HMGN5: variants seen among roughly 807,000 people sequenced by gnomAD.
HMGN5 encodes the protein high mobility group nucleosome-binding domain-containing protein 5.
Under a neutral mutation model 9.5 loss-of-function variants are expected in HMGN5, and 4 were observed. That is an observed-to-expected ratio of 0.42 (90% CI 0.21 to 0.96). The LOEUF is 0.96. Among genes scored for constraint, HMGN5 ranks in the 40% least tolerant of loss-of-function variants. The pLI is 0.30. For synonymous variants in HMGN5, 55 were observed against 57.1 expected (o/e 0.96, Z 0.16); for missense variants, 192 against 187.5 (o/e 1.02, Z -0.14).
chrX:81,166,978 G>A (rs1217756365), intron 1 of HMGN5, among the ~76,000 whole-genome samples: 1 of 110,895 alleles, frequency 9.0e-6, no homozygotes, highest in Non-Finnish European at 1.9e-5. Flanking sequence ...CTTGGAGAGG[G>A]GACTGAATAC....
intron 1 of HMGN5, among the ~76,000 whole-genome samples, chrX:81,154,447 G>C (rs1323087068): frequency 9.0e-6 from 1 of 111,347 alleles, no homozygotes; most frequent in Non-Finnish European, 1.9e-5. Context: ...CACGACAACA[G>C]ACCAGGCAAA....
intron 1 of HMGN5, among the ~76,000 whole-genome samples, chrX:81,126,599 G>A (rs1436424953): frequency 9.0e-6 from 1 of 111,554 alleles, no homozygotes; most frequent in Non-Finnish European, 1.9e-5. Context: ...GATAAAAATT[G>A]CGGATGAGAT....
intron 1 of HMGN5, among the ~76,000 whole-genome samples, chrX:81,160,818 G>C (rs1320944262): frequency 9.0e-6 from 1 of 111,017 alleles, no homozygotes; most frequent in Admixed American, 9.7e-5. Context: ...TGTAAATAGT[G>C]CTTGTGTGCA....
intron 1 of HMGN5, among the ~76,000 whole-genome samples, chrX:81,159,834 A>G (rs1219989343): frequency 9.0e-6 from 1 of 111,374 alleles, no homozygotes. Context: ...ACTAAAAAAT[A>G]TATTTATGAT....
chrX:81,125,506 A>G (rs1036205638), intron 1 of HMGN5, among the ~76,000 whole-genome samples: 1 of 111,514 alleles, frequency 9.0e-6, no homozygotes, highest in Non-Finnish European at 1.9e-5. Context: ...AATTCTGGTG[A>G]CCCAAATCTT....
At chrX:81,165,404 G>A (rs1194241383) in intron 1 of HMGN5, among the ~76,000 whole-genome samples, 1 of 110,721 alleles carries the variant, frequency 9.0e-6, no homozygotes, top group African/African-American at 3.3e-5. Context: ...ATTGATTGAG[G>A]CTAATTTTAG....
chrX:81,128,512 G>C (rs2075290742), intron 1 of HMGN5, among the ~76,000 whole-genome samples: 1 of 111,134 alleles, frequency 9.0e-6, no homozygotes, highest in African/African-American at 3.3e-5. Flanking sequence ...ACAGACACAT[G>C]ATCAATTCAT....
chrX:81,192,621 C>T (rs762414232), intron 1 of HMGN5, among the ~76,000 whole-genome samples: 1 of 111,713 alleles, frequency 9.0e-6, no homozygotes, highest in Admixed American at 9.5e-5. Flanking sequence ...TTTTATTTTA[C>T]CCGAAATACA....
intron 1 of HMGN5, among the ~76,000 whole-genome samples, chrX:81,158,994 C>T (rs1198758696): frequency 9.0e-6 from 1 of 111,406 alleles, no homozygotes; most frequent in Non-Finnish European, 1.9e-5. Context: ...AAATGTCCAT[C>T]AATAATAGAC....
At chrX:81,130,177 A>G (rs1303533422) in intron 1 of HMGN5, among the ~76,000 whole-genome samples, 1 of 111,163 alleles carries the variant, frequency 9.0e-6, no homozygotes, top group Non-Finnish European at 1.9e-5. Flanking sequence ...TCATAATGCT[A>G]TCATGAGAGA....
At chrX:81,192,295 T>C (rs2075496371) in intron 1 of HMGN5, among the ~76,000 whole-genome samples, 1 of 111,917 alleles carries the variant, frequency 8.9e-6, no homozygotes, top group African/African-American at 3.2e-5. Context: ...AACACTAAGC[T>C]GCCCTTGAAA....
intron 1 of HMGN5, among the ~76,000 whole-genome samples, chrX:81,190,118 TTTC>T (rs2075489860): frequency 8.9e-6 from 1 of 112,038 alleles, no homozygotes; most frequent in Non-Finnish European, 1.9e-5. Flanking sequence ...ATTTGTATAT[TTTC>T]TTATTGTTGA....
chrX:81,162,800 C>A (rs192002227), intron 1 of HMGN5, among the ~76,000 whole-genome samples: 2 of 111,250 alleles, frequency 1.8e-5, no homozygotes, highest in African/African-American at 6.5e-5. Context: ...TGTCATTATG[C>A]GACTTAGAGG....
Position 81,201,830 on chromosome X carries a change from T to C in HMGN5, c.-217A>G. 5.1e-6 allele frequency: 1 copy of C among 194,661 alleles called. No homozygotes were observed. Among genetic ancestry groups the C allele is most frequent in the South Asian group, 9.6e-5 (1 of 10,444 alleles). The allele number at this position is 194,661 out of a possible 1,213,427, so 16.0% of individuals were successfully genotyped here. A position where few individuals can be genotyped will look rare whatever the true frequency, so the allele number is the denominator to read the frequency against. On this transcript the variant is annotated 5_prime_UTR_variant, in exon 1 of 7. Coordinates refer to ENST00000358130, the MANE Select transcript of HMGN5 (RefSeq NM_030763.3). ...TTTAGTCTCCGCGTGAAAAGGTCCTTCATGCTAATCTAATTCAATTCAGTT... is the reference window on the plus strand; with the variant it reads ...TTTAGTCTCCGCGTGAAAAGGTCCTCCATGCTAATCTAATTCAATTCAGTT...
At chrX:81,187,000 AT>A (rs1472020115) in intron 1 of HMGN5, among the ~76,000 whole-genome samples, 1 of 111,657 alleles carries the variant, frequency 9.0e-6, no homozygotes, top group Non-Finnish European at 1.9e-5. Context: ...ATGTGTTTTT[AT>A]AATTTCCTAA....
intron 1 of HMGN5, among the ~76,000 whole-genome samples, chrX:81,122,648 T>A (rs2075272455): frequency 8.9e-6 from 1 of 112,033 alleles, no homozygotes; most frequent in Non-Finnish European, 1.9e-5. Flanking sequence ...TTTAAAAAGA[T>A]TGTCTAAAAA....
chrX:81,170,029 G>T (rs998781777), intron 1 of HMGN5, among the ~76,000 whole-genome samples: 2 of 100,965 alleles, frequency 2.0e-5, no homozygotes, highest in African/African-American at 3.7e-5. Context: ...ACTCCAACCT[G>T]GGAGACAGAG....
intron 1 of HMGN5, among the ~76,000 whole-genome samples, chrX:81,183,019 G>A (rs986660100): frequency 2.7e-5 from 3 of 111,988 alleles, no homozygotes; most frequent in Admixed American, 1.9e-4. Context: ...GCCAGTCTCA[G>A]GAGGTCTCAG....
At chrX:81,122,817 A>G (rs1399518428) in intron 1 of HMGN5, among the ~76,000 whole-genome samples, 1 of 110,796 alleles carries the variant, frequency 9.0e-6, no homozygotes, top group Non-Finnish European at 1.9e-5. Flanking sequence ...TCTGAGACCT[A>G]AAGTTTTCAG....
Sources: allele counts gnomAD v4.1 joint callset (sites outside exome capture counted in the v4.1 genomes callset), GRCh38; gene constraint gnomAD v4.1.1; transcripts MANE v1.5; gene names NCBI Gene and HGNC (gene_info 2026-07-23, HGNC 2026-07-21).